The following FLOT1 variants were observed in gnomAD, a reference collection of about 807,000 sequenced individuals.
FLOT1 encodes the protein flotillin 1, also known as flotillin-1.
In FLOT1, 40 loss-of-function variants were observed where a neutral mutation model predicts 58.4. That is an observed-to-expected ratio of 0.69 (90% confidence interval 0.53 to 0.89). The LOEUF is 0.89. Ranked by LOEUF, FLOT1 falls within the 40% of genes least tolerant of loss-of-function variation. The probability of loss-of-function intolerance (pLI) is 0.00; values close to 1 mark genes in which losing one functional copy is unlikely to be tolerated. For missense variants in FLOT1, 423 were observed against 540.8 expected (o/e 0.78, Z 2.16); for synonymous variants, 178 against 204.2 (o/e 0.87, Z 1.09).
rs57132826 is a variant in FLOT1 at position 30,737,204 on chromosome 6, T to G, written c.723+2954A>C. Among the ~76,000 whole-genome samples, 1 of 126,702 alleles carries G rather than the reference T, an allele frequency of 7.9e-6. No individual in the cohort carries two copies. Among genetic ancestry groups the G allele is most frequent in the Non-Finnish European group, 1.6e-5 (1 of 62,228 alleles). The allele number at this position is 126,702 out of a possible 152,430, so 83.1% of individuals were successfully genotyped here. ...GTATGACTGACTGACTGACTGACTG[T>G]CTGTCGTCCGTCCGTCCGTCCGTCC... On this transcript the variant is annotated intron_variant, in intron 8 of 12. Transcript: ENST00000376389. This position sits in a 1 kb window ranked among gnomAD's most constrained non-coding sequence, Gnocchi z 4.4.
chr6:30,731,004 G>A lies in FLOT1; in HGVS notation c.820C>T (p.Arg274Trp). 6.2e-7 allele frequency: 1 copy of A among 1,613,628 alleles called. No individual in the cohort carries two copies. The change falls in exon 9 of 13, where the codon CGG becomes TGG. Residue 274 changes from arginine (R) to tryptophan (W), a missense_variant. By Grantham distance (101) the Arg-to-Trp change is moderately radical. Transcript: ENST00000376389. ...CGGGCCTCCAGCTCCTTCTCCCGCC[G>A]GGCGATCTCCTGCTCCTGCACTGCC... ...QVAVQEQEIARREKELEARVR... is the reference protein window; with the variant it reads ...QVAVQEQEIAWREKELEARVR...
At chr6:30,729,200 G>A (rs1303322887) in intron 12 of FLOT1, among the ~76,000 whole-genome samples, 5 of 151,570 alleles carry the variant, frequency 3.3e-5, no homozygotes, top group South Asian at 2.1e-4. Flanking sequence ...TCAGCTTCCC[G>A]AGTAGCTGAG....
chr6:30,730,038 C>A lies in FLOT1; in HGVS notation c.1238G>T (p.Gly413Val), dbSNP rs367715340. The change falls in exon 12 of 13, where the codon GGC becomes GTC. Residue 413 changes from glycine to valine, a missense_variant. Physicochemically the swap from Gly to Val is moderately radical, Grantham distance 109 (BLOSUM62 -3). Coordinates refer to ENST00000376389, the MANE Select transcript of FLOT1 (RefSeq NM_005803.4). ...AGACCTCACCTGGGAGATGCTCACG[C>A]CTGTGAGTCTTTCCACACTCTCTGG... ...RLPESVERLT[G>V]VSISQVNHKP... 6.2e-7 allele frequency: 1 copy of A among 1,612,944 alleles called. No homozygotes were observed. The highest frequency in any genetic ancestry group is 8.5e-7 in the Non-Finnish European group (1 of 1,180,034).
At position 30,728,138 on chromosome 6, in the gene FLOT1, T is replaced by G. The variant is rs769163435; in HGVS notation, c.1262A>C (p.His421Pro). 6.2e-7 allele frequency: 1 copy of G among 1,612,980 alleles called. No individual in the cohort carries two copies. Residue 421 changes from histidine to proline, a missense_variant, in exon 13 of 13, where the codon CAC becomes CCC. By Grantham distance (77) the His-to-Pro change is moderately conservative. Around this residue, in one of 6 missense-constraint regions of FLOT1, gnomAD observed 44 missense variants for 40.3 expected, o/e 1.09. Transcript: ENST00000376389. ...GGCTCAGGCTGTTCTCAAAGGCTTG[T>G]GATTCACCTGGCAAAAAGACAACAG... Reference protein sequence around the residue: ...LTGVSISQVNHKPLRTA With the variant: ...LTGVSISQVNPKPLRTA
intron 8 of FLOT1, among the ~76,000 whole-genome samples, chr6:30,736,051 A>T (rs1777540086): frequency 6.6e-6 from 1 of 151,968 alleles, no homozygotes; most frequent in South Asian, 2.1e-4. Flanking sequence ...CAGGAGTTTG[A>T]GACCAGCCTG....
rs9281026 is a variant in FLOT1, at chr6:30,737,242, G to GTCCGTCCATCCGTCCA, written c.723+2900_723+2915dup. 6.9e-6 allele frequency among the ~76,000 whole-genome samples: 1 copy of GTCCGTCCATCCGTCCA among 145,848 alleles called. No individual in the cohort carries two copies. On this transcript the variant is annotated intron_variant, in intron 8 of 12. Coordinates refer to ENST00000376389, the MANE Select transcript of FLOT1 (RefSeq NM_005803.4). The surrounding 1 kb of genome is among the most constrained non-coding windows in gnomAD (Gnocchi z 4.4). ...CGTCCGTCCGTCCGTCCGTCCGTCCGTCCGTCCATCCGTCCATCCATCCAT... is the reference window on the plus strand; with the variant it reads ...CGTCCGTCCGTCCGTCCGTCCGTCCGTCCGTCCATCCGTCCATCCGTCCATCCGTCCATCCATCCAT...
intron 9 of FLOT1, 60 bp from the exon 10 acceptor site, chr6:30,730,787 C>G: frequency 6.2e-7 from 1 of 1,605,576 alleles, no homozygotes; most frequent in Non-Finnish European, 8.5e-7. Context: ...AGGAGAAAGG[C>G]CCAGTGCTGC....
Position 30,741,306 on chromosome 6 carries a change from T to TG in FLOT1, c.237_238insC (p.Met80HisfsTer16), listed in dbSNP as rs1562196295. The TG allele has an allele frequency of 6.2e-7, 1 of 1,612,964 alleles. No homozygotes were observed. Among genetic ancestry groups the TG allele is most frequent in the South Asian group, 1.1e-5 (1 of 91,080 alleles). On this transcript the variant is annotated frameshift_variant, in exon 5 of 13. Transcript: ENST00000376389. LOFTEE classifies it high-confidence loss of function. The surrounding 1 kb of genome is among the most constrained non-coding windows in gnomAD (Gnocchi z 5.9). The stretch of plus-strand genomic sequence containing the variant: ...AACATCTGACAGGCGGCCGCCAACA[T>TG]CTCCTTGTTCTGCCCCTGGATTTTT...
rs1199137768 is a variant in FLOT1 at position 30,737,806 on chromosome 6, T to G, written c.723+2352A>C. 6.6e-6 allele frequency among the ~76,000 whole-genome samples: 1 copy of G among 152,198 alleles called. No individual in the cohort carries two copies. The highest frequency in any genetic ancestry group is 1.5e-5 in the Non-Finnish European group (1 of 68,028). ...GTCATTTACTTGCTTACTAGCTGTT[T>G]CCTGTGTCATAATGTAAGCTGCATA... On this transcript the variant is annotated intron_variant, in intron 8 of 12. Coordinates refer to ENST00000376389, the MANE Select transcript of FLOT1 (RefSeq NM_005803.4). This position sits in a 1 kb window ranked among gnomAD's most constrained non-coding sequence, Gnocchi z 4.4.
intron 8 of FLOT1, among the ~76,000 whole-genome samples, chr6:30,734,436 G>A (rs992259380): frequency 6.6e-6 from 1 of 151,508 alleles, no homozygotes; most frequent in Non-Finnish European, 1.5e-5. Context: ...AGCCTCCCGA[G>A]TAGCTGGGAC....
At position 30,741,473 on chromosome 6, in the gene FLOT1, G is replaced by C; in HGVS notation, c.211-140C>G. The stretch of plus-strand genomic sequence containing the variant: ...AAGGAGGAGGAGGCAAGTGCCTTGG[G>C]GTGCCTGGAAAAGATGAGACTAGCA... On this transcript the variant is annotated intron_variant, in intron 4 of 12. Transcript: ENST00000376389. This position sits in a 1 kb window ranked among gnomAD's most constrained non-coding sequence, Gnocchi z 5.9. The C allele has an allele frequency of 7.6e-7, 1 of 1,316,384 alleles. No homozygotes were observed. Among genetic ancestry groups the C allele is most frequent in the South Asian group, 1.3e-5 (1 of 79,802 alleles). The allele number at this position is 1,316,384 out of a possible 1,614,324, so 81.5% of individuals were successfully genotyped here.
chr6:30,736,686 C>A (rs1177824164), intron 8 of FLOT1, among the ~76,000 whole-genome samples: 1 of 150,762 alleles, frequency 6.6e-6, no homozygotes, highest in African/African-American at 2.4e-5. Flanking sequence ...CTCCGCCTCC[C>A]GGGTTTATGC....
intron 9 of FLOT1, 46 bp from the exon 10 acceptor site, chr6:30,730,773 T>A: frequency 6.2e-7 from 1 of 1,611,600 alleles, no homozygotes; most frequent in Non-Finnish European, 8.5e-7. Flanking sequence ...CAGCCCTTAC[T>A]CCCAGGAGAA....
chr6:30,740,328 AG>A lies in FLOT1; in HGVS notation c.571-19del, dbSNP rs1777877939. 6.2e-7 allele frequency: 1 copy of A among 1,612,822 alleles called. No homozygotes were observed. The highest frequency in any genetic ancestry group is 1.7e-5 in the Admixed American group (1 of 59,992). ...TTAGCTTCCTGTCCAAGCAGAGATC[AG>A]GTAGGAAATGTCAGGGCAGGGGGAG... On this transcript the variant is annotated intron_variant, in intron 7 of 12. Coordinates refer to ENST00000376389, the MANE Select transcript of FLOT1 (RefSeq NM_005803.4).
chr6:30,731,254 G>T (rs923160590), intron 8 of FLOT1, among the ~76,000 whole-genome samples, 154 bp from the exon 9 acceptor site: 2 of 152,290 alleles, frequency 1.3e-5, no homozygotes, highest in South Asian at 2.1e-4. Flanking sequence ...GGAGGCCAAG[G>T]AGGGTGGATT....
chr6:30,741,774 G>A lies in FLOT1; in HGVS notation c.119+18C>T, dbSNP rs1400986711. ...GAGAAAACGGAGGTCCCCCTTCCCT[G>A]GTTCCCTTCTTGCCTACCTCTGGAT... On this transcript the variant is annotated intron_variant, in intron 3 of 12. Coordinates refer to ENST00000376389, the MANE Select transcript of FLOT1 (RefSeq NM_005803.4). The surrounding 1 kb of genome is among the most constrained non-coding windows in gnomAD (Gnocchi z 5.9). 1.2e-6 allele frequency: 2 copies of A among 1,612,272 alleles called. No homozygotes were observed. The highest frequency in any genetic ancestry group is 3.3e-5 in the Admixed American group (2 of 60,010).
In FLOT1 at chr6:30,730,568, G is replaced by T; in HGVS notation, c.952-3C>A. ...AAGGCCTCAGCTTCCCCACGCATCT[G>T]AGGGTTAAGGATGCTTGTGAGATTG... On this transcript the variant is annotated splice_region_variant and splice_polypyrimidine_tract_variant and intron_variant, in intron 10 of 12. Transcript: ENST00000376389. 6.2e-7 allele frequency: 1 copy of T among 1,611,806 alleles called. No homozygotes were observed. The highest frequency in any genetic ancestry group is 8.5e-7 in the Non-Finnish European group (1 of 1,178,248).
Position 30,731,094 on chromosome 6 carries a change from T to G in FLOT1, c.730A>C (p.Lys244Gln). 1 of 1,603,878 alleles carries G rather than the reference T, an allele frequency of 6.2e-7. No homozygotes were observed. Among genetic ancestry groups the G allele is most frequent in the Non-Finnish European group, 8.5e-7 (1 of 1,177,334 alleles). ...ADLAYQLQVA[K>Q]TKQQIEEQRV... is the part of the protein sequence containing the mutation. ...TGCTCCTCAATCTGCTGCTTAGTCT[T>G]GGCCACCTGGGTAGGAGGGTGAAGT... The change falls in exon 9 of 13, where the codon AAG (lysine) becomes CAG (glutamine). Residue 244 changes from lysine (K) to glutamine (Q), a missense_variant. Around this residue, in one of 6 missense-constraint regions of FLOT1, gnomAD observed 137 missense variants for 194.6 expected, o/e 0.70. Transcript: ENST00000376389.
At chr6:30,729,942 T>A in intron 12 of FLOT1, 80 bp downstream of exon 12, 1 of 1,301,312 alleles carries the variant, frequency 7.7e-7, no homozygotes, top group South Asian at 1.2e-5. Flanking sequence ...CAGGCCTGGA[T>A]GCTGGTTAAA....
Sources: gnomAD v4.1 joint callset for allele counts (sites outside exome capture counted in the v4.1 genomes callset) on GRCh38, gnomAD v4.1.1 for gene constraint, gnomAD v4.1.1 regional missense constraint, Gnocchi (gnomAD v3.1) non-coding constraint, MANE v1.5 for transcripts, NCBI Gene and HGNC (gene_info 2026-07-23, HGNC 2026-07-21) for gene names.